NCBP2L: variants seen among roughly 807,000 people sequenced by gnomAD.
NCBP2L encodes the protein nuclear cap-binding protein subunit 2-like.
For missense variants in NCBP2L, 95 were observed against 53.1 expected (o/e 1.79, Z -2.45); for synonymous variants, 39 against 19.2 (o/e 2.04, Z -2.70).
chrX:107,780,629 C>CTTT (rs984996831), intron 1 of NCBP2L, among the ~76,000 whole-genome samples: 8 of 85,492 alleles, frequency 9.4e-5, no homozygotes, highest in African/African-American at 2.8e-4. Flanking sequence ...GGGAAGTTCA[C>CTTT]TTTTTTTTTT....
At chrX:107,784,638 T>C (rs1208982504) in intron 1 of NCBP2L, among the ~76,000 whole-genome samples, 1 of 109,115 alleles carries the variant, frequency 9.2e-6, no homozygotes, top group African/African-American at 3.3e-5. Flanking sequence ...ACCAGCCACA[T>C]GGTGTTCTCA....
intron 1 of NCBP2L, among the ~76,000 whole-genome samples, chrX:107,782,751 A>G (rs1371024714): frequency 9.2e-6 from 1 of 108,330 alleles, no homozygotes; most frequent in Non-Finnish European, 1.9e-5. Flanking sequence ...TTAGCAAAAT[A>G]TCCTCCAGGA....
At chrX:107,790,023 A>G in intron 1 of NCBP2L, among the ~76,000 whole-genome samples, 1 of 110,333 alleles carries the variant, frequency 9.1e-6, no homozygotes, top group Non-Finnish European at 1.9e-5. Flanking sequence ...TCAAGACCAA[A>G]CTCAGTATGT....
chrX:107,779,443 CT>C (rs1039140552), intron 1 of NCBP2L, among the ~76,000 whole-genome samples: 25 of 111,943 alleles, frequency 2.2e-4, no homozygotes, highest in Non-Finnish European at 9.4e-5. Context: ...TATTTATTTA[CT>C]TTTTTAGAAC....
At position 107,787,865 on chromosome X, in the gene NCBP2L, T is replaced by C. The variant is rs1376478364; in HGVS notation, c.-72-6284T>C. Among the ~76,000 whole-genome samples, 4 of 112,450 alleles carry C rather than the reference T, an allele frequency of 3.6e-5. No homozygotes were observed. The Admixed American group carries it at 3.8e-4, about 11-fold the overall frequency. ...CCAGATCCTTGTTCCTTTCACATAG[T>C]TGAAACAATCCCAGCATTAGTTTAA... On this transcript the variant is annotated intron_variant, in intron 1 of 1. Transcript: ENST00000509000.
rs758169337 is a variant in NCBP2L at position 107,778,126 on chromosome X, TTA to T, written c.-73+270_-73+271del. Among the ~76,000 whole-genome samples, 62 of 111,840 alleles carry T rather than the reference TTA, an allele frequency of 5.5e-4. 1 individual carries two copies. Among genetic ancestry groups the T allele is most frequent in the Admixed American group, 1.0e-3 (11 of 10,545 alleles). On this transcript the variant is annotated intron_variant, in intron 1 of 1. Coordinates refer to ENST00000509000, the MANE Select transcript of NCBP2L (RefSeq NM_001348372.2). ...CTAAATTGTTTTGTAATTACAGTGT[TTA>T]TGTTTTTTCCTCTTGTTTATAATTA... is the stretch of plus-strand genomic sequence containing the variant.
chrX:107,781,676 A>ATCTATCTCTC (rs1380779020), intron 1 of NCBP2L, among the ~76,000 whole-genome samples: 24 of 55,885 alleles, frequency 4.3e-4, no homozygotes, highest in African/African-American at 2.6e-3. Context: ...CTATCTATCT[A>ATCTATCTCTC]TCTCTCTCTC....
intron 1 of NCBP2L, among the ~76,000 whole-genome samples, chrX:107,781,692 C>CTCTCTCTCTCTCTCTATATATA (rs1395038482): frequency 7.3e-4 from 49 of 66,905 alleles, no homozygotes; most frequent in Non-Finnish European, 1.0e-3. Context: ...CTCTCTCTCT[C>CTCTCTCTCTCTCTCTATATATA]TATATATATA....
Position 107,782,212 on chromosome X carries a change from TATATATATAA to T in NCBP2L, c.-73+4364_-73+4373del, listed in dbSNP as rs1930308386. 2.9e-4 allele frequency among the ~76,000 whole-genome samples: 9 copies of T among 30,958 alleles called. 1 individual carries two copies. Among genetic ancestry groups the T allele is most frequent in the African/African-American group, 1.5e-3 (9 of 6,028 alleles). The allele number at this position is 30,958 out of a possible 115,157, so 26.9% of individuals were successfully genotyped here. A position where few individuals can be genotyped will look rare whatever the true frequency, so the allele number is the denominator to read the frequency against. On this transcript the variant is annotated intron_variant, in intron 1 of 1. Coordinates refer to ENST00000509000, the MANE Select transcript of NCBP2L (RefSeq NM_001348372.2). ...ATATATATAAATATATATATATAAA[TATATATATAA>T]ATATATATATATAAATATATATATA...
In NCBP2L at chrX:107,792,692, AAC is replaced by A. The variant is rs1375012408; in HGVS notation, c.-72-1449_-72-1448del. 5.4e-5 allele frequency among the ~76,000 whole-genome samples: 6 copies of A among 111,620 alleles called. No homozygotes were observed. In the East Asian group the frequency reaches 1.7e-3, roughly 31 times the overall value. On this transcript the variant is annotated intron_variant, in intron 1 of 1. Transcript: ENST00000509000. ...AAACTCCTACACCCCCCAGCCCTGC[AAC>A]ACACACATATACATACCTTCCTTGT...
chrX:107,781,721 TATCTATAG>T (rs1930285483), intron 1 of NCBP2L, among the ~76,000 whole-genome samples: 2 of 93,268 alleles, frequency 2.1e-5, no homozygotes, highest in African/African-American at 7.9e-5. Context: ...GATCTATAGA[TATCTATAG>T]ATCTATATAT....
At position 107,795,717 on chromosome X, in the gene NCBP2L, A is replaced by C. The variant is rs898660071; in HGVS notation, c.*1035A>C. The stretch of plus-strand genomic sequence containing the variant: ...TAATATATACAATAAGCTTATTAGG[A>C]TGTAACCCCATCATAAGTCAATGAG... On this transcript the variant is annotated 3_prime_UTR_variant, in exon 2 of 2. Coordinates refer to ENST00000509000, the MANE Select transcript of NCBP2L (RefSeq NM_001348372.2). 2 of 111,963 alleles carry C rather than the reference A, an allele frequency of 1.8e-5. No homozygotes were observed. Among genetic ancestry groups the C allele is most frequent in the Admixed American group, 1.9e-4 (2 of 10,535 alleles). 9.2% of individuals were successfully genotyped at this position (111,963 alleles called of 1,213,427 possible).
At chrX:107,785,489 C>T (rs1930385820) in intron 1 of NCBP2L, among the ~76,000 whole-genome samples, 1 of 111,610 alleles carries the variant, frequency 9.0e-6, no homozygotes, top group Admixed American at 9.5e-5. Flanking sequence ...GGGTATCAGA[C>T]TGTGTTATCT....
At chrX:107,785,244 CA>C (rs1314413140) in intron 1 of NCBP2L, among the ~76,000 whole-genome samples, 1 of 111,306 alleles carries the variant, frequency 9.0e-6, no homozygotes, top group Non-Finnish European at 1.9e-5. Context: ...AGAAGTGAAT[CA>C]AAATCTTTCC....
chrX:107,789,081 C>T (rs1211259082), intron 1 of NCBP2L, among the ~76,000 whole-genome samples: 1 of 110,645 alleles, frequency 9.0e-6, no homozygotes, highest in East Asian at 2.8e-4. Flanking sequence ...CCTCTTATTC[C>T]ATTATGAAAA....
chrX:107,785,032 GGAAGGAAAGAAAGAAA>G (rs767163916), intron 1 of NCBP2L, among the ~76,000 whole-genome samples: 3 of 94,912 alleles, frequency 3.2e-5, no homozygotes, highest in South Asian at 4.9e-4. Flanking sequence ...AAGGAAGGAA[GGAAGGAAAGAAAGAAA>G]GAAGGAAAGA....
chrX:107,780,729 G>C (rs1388599992), intron 1 of NCBP2L, among the ~76,000 whole-genome samples: 1 of 104,008 alleles, frequency 9.6e-6, no homozygotes, highest in African/African-American at 3.5e-5. Flanking sequence ...TCCCGGGTTC[G>C]AGCGATTCTT....
At chrX:107,784,989 A>G (rs2147807057) in intron 1 of NCBP2L, among the ~76,000 whole-genome samples, 1 of 104,236 alleles carries the variant, frequency 9.6e-6, no homozygotes, top group African/African-American at 3.6e-5. Flanking sequence ...AAAAACAAAC[A>G]AAAGAAAGAA....
rs1395038482 is a variant in NCBP2L at position 107,781,692 on chromosome X, C to CTCTCTCTCTCTATATA, written c.-73+3835_-73+3836insCTCTCTCTCTATATAT. On this transcript the variant is annotated intron_variant, in intron 1 of 1. Transcript: ENST00000509000. ...TATCTATCTATCTCTCTCTCTCTCT[C>CTCTCTCTCTCTATATA]TATATATATATATATATAGATCTAT... 3.2e-3 allele frequency among the ~76,000 whole-genome samples: 213 copies of CTCTCTCTCTCTATATA among 66,875 alleles called. 3 individuals are homozygous for CTCTCTCTCTCTATATA. Among genetic ancestry groups the CTCTCTCTCTCTATATA allele is most frequent in the Middle Eastern group, 0.019 (2 of 108 alleles). 58.1% of individuals were successfully genotyped at this position (66,875 alleles called of 115,157 possible).
Sources: gnomAD v4.1 joint callset for allele counts (sites outside exome capture counted in the v4.1 genomes callset) on GRCh38, gnomAD v4.1.1 for gene constraint, MANE v1.5 for transcripts, NCBI Gene and HGNC (gene_info 2026-07-23, HGNC 2026-07-21) for gene names.